FGF14: variants seen among roughly 807,000 people sequenced by gnomAD.
The protein encoded by FGF14 is fibroblast growth factor 14, also known as fibroblast growth factor homologous factor 4.
A neutral mutation model predicts 25.5 loss-of-function variants in FGF14; 5 were observed. The observed-to-expected ratio is 0.20, with a 90% CI of 0.10 to 0.41. The LOEUF (loss-of-function observed/expected upper bound fraction) is 0.41. Among genes scored for constraint, FGF14 ranks in the 10% least tolerant of loss-of-function variants. FGF14 has a pLI of 1.00. For synonymous variants in FGF14, 138 were observed against 118.3 expected (o/e 1.17, Z -1.08); for missense variants, 222 against 320.1 (o/e 0.69, Z 2.34).
intron 1 of FGF14, among the ~76,000 whole-genome samples, chr13:102,182,581 C>A (rs1008652573): frequency 1.3e-5 from 2 of 151,934 alleles, no homozygotes; most frequent in African/African-American, 4.8e-5. Flanking sequence ...AATTTGTTTT[C>A]TCTCTTGTAA....
intron 1 of FGF14, among the ~76,000 whole-genome samples, chr13:102,147,030 T>C (rs1464474672): frequency 1.3e-5 from 2 of 152,212 alleles, no homozygotes; most frequent in Non-Finnish European, 2.9e-5. Flanking sequence ...TGGAAGCTCT[T>C]TTAATAAATA....
At chr13:102,083,226 T>C (rs2043723214) in intron 1 of FGF14, among the ~76,000 whole-genome samples, 1 of 152,198 alleles carries the variant, frequency 6.6e-6, no homozygotes, top group African/African-American at 2.4e-5. Flanking sequence ...GCTTCCGTCA[T>C]CTTTTATCTG....
At chr13:101,791,634 C>G (rs565244799) in intron 3 of FGF14, among the ~76,000 whole-genome samples, 1 of 152,226 alleles carries the variant, frequency 6.6e-6, no homozygotes, top group South Asian at 2.1e-4. Flanking sequence ...TGCTAAGGCA[C>G]AGCAGACTGG....
At position 101,866,584 on chromosome 13, in the gene FGF14, G is replaced by T. The variant is rs1222079174; in HGVS notation, c.408+2141C>A. Among the ~76,000 whole-genome samples the T allele has an allele frequency of 3.0e-5, 4 of 134,234 alleles. No homozygotes were observed. In the South Asian group the frequency reaches 6.8e-4, roughly 23 times the overall value. The allele number at this position is 134,234 out of a possible 152,430, so 88.1% of individuals were successfully genotyped here. On this transcript the variant is annotated intron_variant, in intron 3 of 4. Coordinates refer to ENST00000376143, the MANE Select transcript of FGF14 (RefSeq NM_004115.4). ...TACAAATATCATCACTATTGTTATT[G>T]TATAGATATAGCTATTATTTTATAG...
At chr13:101,976,084 T>G (rs1040894787) in intron 1 of FGF14, among the ~76,000 whole-genome samples, 3 of 151,702 alleles carry the variant, frequency 2.0e-5, no homozygotes, top group Admixed American at 6.6e-5. Context: ...TGCTCTGCTT[T>G]AGAAAGCAGA....
intron 1 of FGF14, among the ~76,000 whole-genome samples, chr13:101,877,176 A>C (rs1361827132): frequency 6.6e-6 from 1 of 152,136 alleles, no homozygotes; most frequent in Non-Finnish European, 1.5e-5. Context: ...CCTCATGCTT[A>C]TACAGAGAGA....
At chr13:102,330,466 C>T (rs542840122) in intron 1 of FGF14, among the ~76,000 whole-genome samples, 15 of 152,244 alleles carry the variant, frequency 9.9e-5, no homozygotes, top group African/African-American at 2.6e-4. Context: ...ATTAATCATA[C>T]TATAATATCT....
chr13:102,289,915 C>T (rs181893642), intron 1 of FGF14, among the ~76,000 whole-genome samples: 37 of 151,972 alleles, frequency 2.4e-4, no homozygotes, highest in African/African-American at 7.2e-4. Flanking sequence ...CTCTCTCTGC[C>T]TTTCTCTCTC....
intron 3 of FGF14, among the ~76,000 whole-genome samples, chr13:101,785,368 C>A (rs1435142661): frequency 2.0e-5 from 3 of 146,550 alleles, no homozygotes; most frequent in Admixed American, 6.8e-5. Context: ...AAAAAAAACC[C>A]AAACCAAAAC....
chr13:102,249,498 G>C (rs1471741498), intron 1 of FGF14, among the ~76,000 whole-genome samples: 1 of 152,192 alleles, frequency 6.6e-6, no homozygotes, highest in Non-Finnish European at 1.5e-5. Flanking sequence ...AATGCAGACT[G>C]TGTGTGAGAG....
chr13:102,104,019 C>T (rs2044784423), intron 1 of FGF14, among the ~76,000 whole-genome samples: 1 of 152,150 alleles, frequency 6.6e-6, no homozygotes, highest in South Asian at 2.1e-4. Context: ...CCCCTTCCCT[C>T]ACTTACGCAC....
At chr13:102,184,239 AC>A (rs2048791980) in intron 1 of FGF14, among the ~76,000 whole-genome samples, 2 of 152,184 alleles carry the variant, frequency 1.3e-5, no homozygotes, top group South Asian at 4.1e-4. Flanking sequence ...ATCCCAGGAT[AC>A]TACAAAGATG....
intron 1 of FGF14, among the ~76,000 whole-genome samples, chr13:101,890,448 T>C (rs1238270657): frequency 1.3e-5 from 2 of 152,184 alleles, no homozygotes; most frequent in African/African-American, 2.4e-5. Context: ...GGAGAACCAT[T>C]TGGGGACCTC....
At chr13:101,941,069 G>T (rs1277909199) in intron 1 of FGF14, among the ~76,000 whole-genome samples, 2 of 152,102 alleles carry the variant, frequency 1.3e-5, no homozygotes, top group Non-Finnish European at 2.9e-5. Flanking sequence ...AAACACATGA[G>T]CTGAAAAGAG....
At chr13:101,725,884 C>T (rs1053721071) in intron 4 of FGF14, among the ~76,000 whole-genome samples, 65 of 151,894 alleles carry the variant, frequency 4.3e-4, no homozygotes, top group African/African-American at 1.6e-3. Context: ...GAGAGAGGTG[C>T]AGATGTTGTT....
chr13:102,141,254 T>C (rs1467883272), intron 1 of FGF14, among the ~76,000 whole-genome samples: 2 of 152,182 alleles, frequency 1.3e-5, no homozygotes, highest in African/African-American at 4.8e-5. Context: ...GCAGTGACTG[T>C]TTCAGAGACA....
At chr13:102,105,997 A>G (rs1488415252) in intron 1 of FGF14, among the ~76,000 whole-genome samples, 2 of 152,230 alleles carry the variant, frequency 1.3e-5, no homozygotes. Context: ...ACTGTAATAA[A>G]TATATCATTG....
At chr13:102,010,904 T>G (rs1055639617) in intron 1 of FGF14, among the ~76,000 whole-genome samples, 3 of 152,158 alleles carry the variant, frequency 2.0e-5, no homozygotes, top group Non-Finnish European at 2.9e-5. Context: ...GTGGAGAAAC[T>G]TACACTTAAG....
chr13:102,169,588 T>A (rs1267591103), intron 1 of FGF14, among the ~76,000 whole-genome samples: 1 of 152,182 alleles, frequency 6.6e-6, no homozygotes, highest in African/African-American at 2.4e-5. Flanking sequence ...AATTCAATTA[T>A]TTAAAGTTAC....
Sources: allele counts gnomAD v4.1 joint callset (sites outside exome capture counted in the v4.1 genomes callset), GRCh38; gene constraint gnomAD v4.1.1; transcripts MANE v1.5; gene names NCBI Gene and HGNC (gene_info 2026-07-23, HGNC 2026-07-21).